Variants in PHF20 observed in about 807,000 individuals in gnomAD.
The protein encoded by PHF20 is PHD finger protein 20, also known as glioma-expressed antigen 2.
PHF20 carries 23 observed loss-of-function variants against 113.5 expected under a neutral mutation model. That is an observed-to-expected ratio of 0.20 (90% CI 0.15 to 0.29). PHF20 has a LOEUF of 0.29. PHF20 is among the 10% of genes least tolerant of loss of function. The pLI, the probability that PHF20 is intolerant of heterozygous loss-of-function variation, is 1.00. For missense variants in PHF20, 943 were observed against 1,219.6 expected (o/e 0.77, Z 3.38); for synonymous variants, 434 against 457.3 (o/e 0.95, Z 0.65).
In PHF20 at chr20:35,949,416, G is replaced by C. The variant is rs2056139857; in HGVS notation, c.*1789G>C. 6.6e-6 allele frequency: 1 copy of C among 152,664 alleles called. No individual in the cohort carries two copies. The allele number at this position is 152,664 out of a possible 1,614,324, so 9.5% of individuals were successfully genotyped here. ...TTTTCTTTTCTGAAAATACATTTGAGTTTTAATCACATCTGTGGAAGCTGT... is the reference window on the plus strand; with the variant it reads ...TTTTCTTTTCTGAAAATACATTTGACTTTTAATCACATCTGTGGAAGCTGT... On this transcript the variant is annotated 3_prime_UTR_variant, in exon 18 of 18. Coordinates refer to ENST00000374012, the MANE Select transcript of PHF20 (RefSeq NM_016436.5).
chr20:35,844,543 CCACACACA>C (rs61622083), intron 3 of PHF20, among the ~76,000 whole-genome samples: 10,779 of 117,652 alleles, frequency 0.092, 512 homozygotes, highest in Middle Eastern at 0.16. Context: ...TTCACCATCA[CCACACACA>C]CACACACACA....
At chr20:35,831,202 C>T (rs760144877) in intron 2 of PHF20, among the ~76,000 whole-genome samples, 12 of 151,190 alleles carry the variant, frequency 7.9e-5, no homozygotes, top group Non-Finnish European at 1.3e-4. Flanking sequence ...CTCTATCACC[C>T]AGGGTGGAGT....
intron 1 of PHF20, among the ~76,000 whole-genome samples, chr20:35,777,652 A>G (rs2041201747): frequency 6.6e-6 from 1 of 151,806 alleles, no homozygotes; most frequent in Admixed American, 6.6e-5. Context: ...TCCTGTCTCT[A>G]CTCCCCCACC....
chr20:35,772,663 C>A (rs574048498), intron 1 of PHF20, among the ~76,000 whole-genome samples: 6 of 152,032 alleles, frequency 3.9e-5, no homozygotes, highest in Admixed American at 3.3e-4. Flanking sequence ...CCTCCCCCCC[C>A]CAAATTTAGG....
chr20:35,838,686 G>A (rs1327173657), intron 2 of PHF20, among the ~76,000 whole-genome samples: 1 of 152,096 alleles, frequency 6.6e-6, no homozygotes, highest in Non-Finnish European at 1.5e-5. Context: ...AATACTAAAA[G>A]TTAGAAAGAA....
intron 1 of PHF20, among the ~76,000 whole-genome samples, chr20:35,790,152 C>T (rs1397167046): frequency 6.6e-6 from 1 of 151,300 alleles, no homozygotes; most frequent in Non-Finnish European, 1.5e-5. Context: ...CCACCATGCC[C>T]AGCAAGAACA....
At chr20:35,870,226 C>A (rs2054394282) in intron 7 of PHF20, among the ~76,000 whole-genome samples, 1 of 150,456 alleles carries the variant, frequency 6.6e-6, no homozygotes, top group African/African-American at 2.5e-5. Flanking sequence ...ATGGCATGAA[C>A]CCGGGAGGCG....
At chr20:35,939,181 C>T (rs1346555657) in intron 16 of PHF20, 73 bp downstream of exon 16, 1 of 1,397,520 alleles carries the variant, frequency 7.2e-7, no homozygotes, top group African/African-American at 1.4e-5. Context: ...AGTTTGAATG[C>T]TCTATGGAAG....
chr20:35,939,840 A>G (rs1302916978), intron 16 of PHF20, among the ~76,000 whole-genome samples: 1 of 152,148 alleles, frequency 6.6e-6, no homozygotes, highest in Admixed American at 6.5e-5. Flanking sequence ...ACATTGCTGC[A>G]TGGTGCCAAG....
intron 9 of PHF20, among the ~76,000 whole-genome samples, chr20:35,877,443 CTTTTTTTATTTTTA>C (rs2054550904): frequency 6.7e-6 from 1 of 148,398 alleles, no homozygotes; most frequent in African/African-American, 2.5e-5. Context: ...TCTTTTTTTT[CTTTTTTTATTTTTA>C]TTTTTTATTT....
At chr20:35,905,870 T>A (rs554976064) in intron 10 of PHF20, among the ~76,000 whole-genome samples, 1 of 152,250 alleles carries the variant, frequency 6.6e-6, no homozygotes, top group Non-Finnish European at 1.5e-5. Context: ...CTCATATGGT[T>A]CTTCTGCTCT....
At chr20:35,940,676 G>C (rs1357368107) in intron 16 of PHF20, among the ~76,000 whole-genome samples, 188 bp from the exon 17 acceptor site, 3 of 152,194 alleles carry the variant, frequency 2.0e-5, no homozygotes, top group African/African-American at 7.2e-5. Flanking sequence ...GTGCTACCCT[G>C]AGGTAGTTGG....
chr20:35,794,081 G>T (rs976235840), intron 1 of PHF20, among the ~76,000 whole-genome samples: 6 of 145,610 alleles, frequency 4.1e-5, no homozygotes, highest in Non-Finnish European at 6.0e-5. Flanking sequence ...TGGGTGGATC[G>T]CCTGAGGTCA....
chr20:35,929,622 T>C (rs972595772), intron 14 of PHF20, among the ~76,000 whole-genome samples: 1 of 152,262 alleles, frequency 6.6e-6, no homozygotes, highest in African/African-American at 2.4e-5. Flanking sequence ...TAGCATACCT[T>C]TTAAAAATCT....
chr20:35,876,878 A>G (rs756905288), intron 9 of PHF20, among the ~76,000 whole-genome samples: 5 of 151,818 alleles, frequency 3.3e-5, no homozygotes, highest in African/African-American at 4.8e-5. Flanking sequence ...AGGCCGAGGC[A>G]GGCGGATCAC....
chr20:35,859,069 C>A (rs2054169803), intron 5 of PHF20, among the ~76,000 whole-genome samples: 1 of 152,162 alleles, frequency 6.6e-6, no homozygotes, highest in African/African-American at 2.4e-5. Flanking sequence ...GTTTTCTGTC[C>A]ATCTAGCTCT....
chr20:35,901,243 C>T (rs1189615659), intron 10 of PHF20, among the ~76,000 whole-genome samples: 1 of 151,730 alleles, frequency 6.6e-6, no homozygotes, highest in Admixed American at 6.6e-5. Flanking sequence ...GATGAAACCC[C>T]GTCTCTATTA....
chr20:35,822,785 C>G (rs2042192138), intron 2 of PHF20, among the ~76,000 whole-genome samples: 1 of 146,716 alleles, frequency 6.8e-6, no homozygotes, highest in Non-Finnish European at 1.5e-5. Flanking sequence ...CTACAGTGAG[C>G]CATGATTATG....
chr20:35,794,315 AAG>A (rs2041624845), intron 1 of PHF20, among the ~76,000 whole-genome samples: 1 of 151,702 alleles, frequency 6.6e-6, no homozygotes, highest in Non-Finnish European at 1.5e-5. Context: ...AAAAAAAAAA[AAG>A]AAAAAAGAAA....
Sources: gnomAD v4.1 joint callset for allele counts (sites outside exome capture counted in the v4.1 genomes callset) on GRCh38, gnomAD v4.1.1 for gene constraint, MANE v1.5 for transcripts, NCBI Gene and HGNC (gene_info 2026-07-23, HGNC 2026-07-21) for gene names.